Variants in TBCK observed in about 807,000 individuals in gnomAD.
TBCK encodes the protein TBC domain-containing protein kinase-like protein.
Under a neutral mutation model 113.4 loss-of-function variants are expected in TBCK, and 99 were observed. The ratio of observed to expected loss-of-function variants is 0.87; its 90% CI spans 0.74 to 1.03. The LOEUF is 1.03. Ranked by LOEUF, TBCK falls within the 50% of genes least tolerant of loss-of-function variation. TBCK has a pLI of 0.00. For missense variants in TBCK, 1,045 were observed against 1,061.3 expected (o/e 0.98, Z 0.21); for synonymous variants, 369 against 370.8 (o/e 1.00, Z 0.05).
chr4:106,196,175 C>T (rs1754214670), intron 20 of TBCK, among the ~76,000 whole-genome samples: 2 of 151,750 alleles, frequency 1.3e-5, no homozygotes, highest in South Asian at 2.1e-4. Context: ...TATACATACA[C>T]ACATATATAG....
intron 2 of TBCK, among the ~76,000 whole-genome samples, chr4:106,295,604 A>C (rs1462563473): frequency 2.0e-5 from 3 of 152,212 alleles, no homozygotes; most frequent in African/African-American, 4.8e-5. Flanking sequence ...ACTTGAAAAA[A>C]AGTAGAAATG....
At chr4:106,287,673 G>A (rs1313025843) in intron 3 of TBCK, among the ~76,000 whole-genome samples, 1 of 152,244 alleles carries the variant, frequency 6.6e-6, no homozygotes, top group Admixed American at 6.5e-5. Context: ...CTTTGAGCAT[G>A]TCAAGAGGCC....
chr4:106,171,028 C>G (rs1750925221), intron 23 of TBCK, 67 bp downstream of exon 23: 1 of 1,256,268 alleles, frequency 8.0e-7, no homozygotes. Flanking sequence ...AATAAAGATA[C>G]TAGGGTATAT....
chr4:106,271,772 C>T (rs982017258), intron 3 of TBCK, among the ~76,000 whole-genome samples: 1 of 144,976 alleles, frequency 6.9e-6, no homozygotes, highest in African/African-American at 2.5e-5. Flanking sequence ...AAAAACAAAA[C>T]AAAAAAACAA....
In TBCK at chr4:106,046,550, G is replaced by T; in HGVS notation, c.*20C>A. ...GGTGCTGATGCCACACTAAGTTTTGGCAGTCACACTCTTGGTTCTTCATAT... is the reference window on the plus strand; with the variant it reads ...GGTGCTGATGCCACACTAAGTTTTGTCAGTCACACTCTTGGTTCTTCATAT... On this transcript the variant is annotated 3_prime_UTR_variant, in exon 26 of 26. Transcript: ENST00000394708. 7.2e-7 allele frequency: 1 copy of T among 1,387,158 alleles called. No homozygotes were observed. The highest frequency in any genetic ancestry group is 1.0e-6 in the Non-Finnish European group (1 of 975,412). 85.9% of individuals were successfully genotyped at this position (1,387,158 alleles called of 1,614,324 possible).
intron 4 of TBCK, among the ~76,000 whole-genome samples, 168 bp downstream of exon 4, chr4:106,261,930 T>A (rs1476681621): frequency 2.0e-5 from 3 of 151,954 alleles, no homozygotes; most frequent in African/African-American, 4.8e-5. Context: ...GATTATTTAA[T>A]CCTTAAATTC....
intron 25 of TBCK, among the ~76,000 whole-genome samples, chr4:106,067,708 T>C (rs1257725405): frequency 6.6e-6 from 1 of 152,208 alleles, no homozygotes; most frequent in Non-Finnish European, 1.5e-5. Flanking sequence ...ATTTTTTGCG[T>C]GTGGATATTC....
intron 20 of TBCK, among the ~76,000 whole-genome samples, chr4:106,200,894 TAAG>T (rs1420072844): frequency 6.6e-6 from 1 of 152,116 alleles, no homozygotes; most frequent in Non-Finnish European, 1.5e-5. Context: ...TATATTTTCT[TAAG>T]AAGTTTTCAA....
intron 25 of TBCK, among the ~76,000 whole-genome samples, chr4:106,092,243 G>C (rs980408295): frequency 3.9e-5 from 6 of 152,082 alleles, no homozygotes; most frequent in East Asian, 1.9e-4. Context: ...CCTTGAGCTA[G>C]ATACAGAGTG....
At position 106,194,727 on chromosome 4, in the gene TBCK, T is replaced by C. The variant is rs1368477180; in HGVS notation, c.1888A>G (p.Met630Val). 1.9e-6 allele frequency: 3 copies of C among 1,591,904 alleles called. No homozygotes were observed. Among genetic ancestry groups the C allele is most frequent in the Non-Finnish European group, 1.7e-6 (2 of 1,172,804 alleles). The change falls in exon 21 of 26, where the codon ATG becomes GTG. Residue 630 changes from methionine (M) to valine (V), a missense_variant. Coordinates refer to ENST00000394708, the MANE Select transcript of TBCK (RefSeq NM_001163435.3). The part of the protein sequence containing the change: ...DLYAIPWFLT[M>V]FTHVFPLHKI... ...GGGAAGTCATACTTACGAGTAAACA[T>C]GGTAAGAAACCAAGGGATGGCATAG...
intron 8 of TBCK, 39 bp from the exon 9 acceptor site, chr4:106,248,345 C>A: frequency 2.2e-6 from 3 of 1,349,690 alleles, no homozygotes; most frequent in South Asian, 2.7e-5. Flanking sequence ...TTAAAATGAT[C>A]AATTTTAGAA....
rs759892467 is a variant in TBCK, at chr4:106,232,942, C to T, written c.1635G>A (p.Trp545Ter). ...WVVSHPDLVY[W>*]QGLDSLCAPF... The stretch of plus-strand genomic sequence containing the variant: ...TTTAATGACTACAAAAGTTACCTTG[C>T]CAATACACAAGATCAGGATGAGACA... Residue 545 changes from tryptophan to a stop codon, truncating the protein, a stop_gained, in exon 17 of 26, where the codon TGG (tryptophan) becomes TGA (stop). Coordinates refer to ENST00000394708, the MANE Select transcript of TBCK (RefSeq NM_001163435.3). LOFTEE classifies it high-confidence loss of function. The T allele has an allele frequency of 1.2e-5, 19 of 1,610,472 alleles. No homozygotes were observed. The highest frequency in any genetic ancestry group is 1.6e-5 in the Non-Finnish European group (19 of 1,178,034).
intron 18 of TBCK, 65 bp downstream of exon 18, chr4:106,231,664 C>T (rs978078789): frequency 6.8e-7 from 1 of 1,474,160 alleles, no homozygotes; most frequent in African/African-American, 1.4e-5. Flanking sequence ...AAAAACCTTT[C>T]ATGTGTGAAT....
At chr4:106,177,763 G>C (rs1244763228) in intron 22 of TBCK, among the ~76,000 whole-genome samples, 1 of 151,680 alleles carries the variant, frequency 6.6e-6, no homozygotes, top group Non-Finnish European at 1.5e-5. Context: ...ATTAGTGTGA[G>C]GCCTCTAGTT....
At chr4:106,133,811 G>A (rs1208776492) in intron 23 of TBCK, among the ~76,000 whole-genome samples, 2 of 152,120 alleles carry the variant, frequency 1.3e-5, no homozygotes, top group Non-Finnish European at 2.9e-5. Context: ...TCAGGAGTTC[G>A]AGACAAGGCT....
At chr4:106,104,027 G>A (rs1360231187) in intron 24 of TBCK, among the ~76,000 whole-genome samples, 10 of 152,098 alleles carry the variant, frequency 6.6e-5, no homozygotes, top group Admixed American at 6.5e-4. Context: ...ACTCCACCAG[G>A]GCCTTCAGTC....
chr4:106,091,703 T>A (rs1270760422), intron 25 of TBCK, among the ~76,000 whole-genome samples: 1 of 152,090 alleles, frequency 6.6e-6, no homozygotes, highest in South Asian at 2.1e-4. Flanking sequence ...TTACAGCTCA[T>A]AAAGGCAGTG....
At chr4:106,236,334 T>A (rs1579345911) in intron 14 of TBCK, 56 bp downstream of exon 14, 1 of 1,294,252 alleles carries the variant, frequency 7.7e-7, no homozygotes, top group Non-Finnish European at 1.0e-6. Context: ...ATTGAAAAAA[T>A]TAAAAAAAAA....
intron 23 of TBCK, among the ~76,000 whole-genome samples, chr4:106,156,885 T>C (rs1489822703): frequency 6.6e-6 from 1 of 152,124 alleles, no homozygotes; most frequent in Non-Finnish European, 1.5e-5. Flanking sequence ...ACCTAAGGTG[T>C]AAGACAAAGC....
Sources: gnomAD v4.1 joint callset for allele counts (sites outside exome capture counted in the v4.1 genomes callset) on GRCh38, gnomAD v4.1.1 for gene constraint, MANE v1.5 for transcripts, NCBI Gene and HGNC (gene_info 2026-07-23, HGNC 2026-07-21) for gene names.